The following LHCGR variants were observed in gnomAD, a reference collection of about 807,000 sequenced individuals.
LHCGR encodes the protein luteinizing hormone/choriogonadotropin receptor.
Under a neutral mutation model 60.7 loss-of-function variants are expected in LHCGR, and 55 were observed. The ratio of observed to expected loss-of-function variants is 0.91; its 90% CI spans 0.73 to 1.13. LHCGR has a LOEUF of 1.13. LHCGR is among the 50% of genes most tolerant of loss of function. LHCGR has a pLI of 0.00. For synonymous variants in LHCGR, 337 were observed against 316.5 expected, an observed-to-expected ratio of 1.06 and a Z score of -0.69; for missense variants, 862 against 836.0, an observed-to-expected ratio of 1.03 and a Z score of -0.38.
At chr2:48,735,327 G>A (rs1279164046) in intron 1 of LHCGR, among the ~76,000 whole-genome samples, 1 of 152,206 alleles carries the variant, frequency 6.6e-6, no homozygotes, top group Non-Finnish European at 1.5e-5. Flanking sequence ...CGTCTAAACT[G>A]GACCCAATAA....
chr2:48,732,509 A>T (rs569952659), intron 1 of LHCGR, among the ~76,000 whole-genome samples: 3 of 152,210 alleles, frequency 2.0e-5, no homozygotes, highest in Non-Finnish European at 2.9e-5. Context: ...TACTCACTCA[A>T]CAATGGTGTG....
intron 3 of LHCGR, among the ~76,000 whole-genome samples, 154 bp from the exon 4 acceptor site, chr2:48,725,904 GGGATGGAAATGGCTTGGTGA>G (rs1668698032): frequency 6.6e-6 from 1 of 152,156 alleles, no homozygotes; most frequent in South Asian, 2.1e-4. Flanking sequence ...AGCGACTCTG[GGGATGGAAATGGCTTGGTGA>G]GAGCCAGTTC....
chr2:48,705,858 CTG>C (rs1667640360), intron 8 of LHCGR, among the ~76,000 whole-genome samples: 1 of 152,120 alleles, frequency 6.6e-6, no homozygotes, highest in Non-Finnish European at 1.5e-5. Context: ...ATTTTCCAGT[CTG>C]TGTCTTTTAT....
chr2:48,688,010 A>G lies in LHCGR; in HGVS notation c.1787T>C (p.Val596Ala). 6.2e-7 allele frequency: 1 copy of G among 1,614,198 alleles called. No individual in the cohort carries two copies. The highest frequency in any genetic ancestry group is 8.5e-7 in the Non-Finnish European group (1 of 1,180,002). The change falls in exon 11 of 11, where the codon GTA becomes GCA. Residue 596 changes from valine (V) to alanine (A), a missense_variant. Transcript: ENST00000294954. This position sits in a 1 kb window ranked among gnomAD's most constrained non-coding sequence, Gnocchi z 5.2. ...SFFAISAAFK[V>A]PLITVTNSKV... ...AGAGTTGGTTACTGTGATAAGAGGT[A>G]CTTTGAAGGCAGCTGAGATGGCAAA...
chr2:48,703,973 A>G (rs1419207374), intron 8 of LHCGR, among the ~76,000 whole-genome samples: 1 of 152,200 alleles, frequency 6.6e-6, no homozygotes, highest in Non-Finnish European at 1.5e-5. Context: ...GCCAGTTTTC[A>G]AAGGGAATGC....
intron 1 of LHCGR, chr2:48,733,273 C>A (rs1215392403): frequency 1.6e-5 from 3 of 187,488 alleles, no homozygotes; most frequent in Admixed American, 5.9e-5. Flanking sequence ...AGCCCAGAAG[C>A]TGAAGTCTCT....
intron 1 of LHCGR, among the ~76,000 whole-genome samples, chr2:48,748,033 A>C (rs1264340087): frequency 6.6e-6 from 1 of 152,116 alleles, no homozygotes; most frequent in Non-Finnish European, 1.5e-5. Context: ...GAGCCTTAAA[A>C]CACTCAGAGG....
At chr2:48,727,048 T>G (rs1000632158) in intron 3 of LHCGR, among the ~76,000 whole-genome samples, 10 of 152,140 alleles carry the variant, frequency 6.6e-5, no homozygotes, top group African/African-American at 2.4e-4. Context: ...GATATTTTGT[T>G]GTAATTATTT....
intron 1 of LHCGR, among the ~76,000 whole-genome samples, chr2:48,733,763 T>C (rs1203814124): frequency 2.0e-5 from 3 of 151,964 alleles, no homozygotes; most frequent in East Asian, 3.8e-4. Context: ...CAGACTTATA[T>C]GTTTTTTTTT....
At chr2:48,736,303 C>T (rs1034415268) in intron 1 of LHCGR, among the ~76,000 whole-genome samples, 5 of 152,130 alleles carry the variant, frequency 3.3e-5, no homozygotes, top group Admixed American at 6.5e-5. Context: ...CCCTTGCCTC[C>T]GGGTGGGACT....
In LHCGR at chr2:48,690,032, A is replaced by G. The variant is rs1392137963; in HGVS notation, c.948-1183T>C. ...CCGGCCCAGGTTTTTGTCCTCTCTTATGGAGCAATTAGTTTTCTTCCTGAT... is the reference window on the plus strand; with the variant it reads ...CCGGCCCAGGTTTTTGTCCTCTCTTGTGGAGCAATTAGTTTTCTTCCTGAT... On this transcript the variant is annotated intron_variant, in intron 10 of 10. Coordinates refer to ENST00000294954, the MANE Select transcript of LHCGR (RefSeq NM_000233.4). 2.6e-5 allele frequency among the ~76,000 whole-genome samples: 4 copies of G among 152,082 alleles called. No individual in the cohort carries two copies. The East Asian group carries it at 7.7e-4, about 29-fold the overall frequency.
chr2:48,742,427 A>G (rs1348571862), intron 1 of LHCGR, among the ~76,000 whole-genome samples: 1 of 150,786 alleles, frequency 6.6e-6, no homozygotes, highest in African/African-American at 2.4e-5. Flanking sequence ...TCCAAAATTG[A>G]CCACATACTT....
intron 1 of LHCGR, among the ~76,000 whole-genome samples, chr2:48,736,530 C>T (rs1669214071): frequency 6.6e-6 from 1 of 152,196 alleles, no homozygotes; most frequent in Admixed American, 6.5e-5. Context: ...TCTAATGTCT[C>T]CTGGGTACCC....
chr2:48,734,018 T>A (rs551002993), intron 1 of LHCGR, among the ~76,000 whole-genome samples: 76 of 152,318 alleles, frequency 5.0e-4, no homozygotes, highest in Middle Eastern at 3.4e-3. Context: ...CTGTATACAT[T>A]GAGAAAAATT....
At position 48,688,513 on chromosome 2, in the gene LHCGR, G is replaced by T. The variant is rs780643013; in HGVS notation, c.1284C>A (p.Asn428Lys). The change falls in exon 11 of 11, where the codon AAC (asparagine) becomes AAA (lysine). Residue 428 changes from asparagine (N) to lysine (K), a missense_variant. Coordinates refer to ENST00000294954, the MANE Select transcript of LHCGR (RefSeq NM_000233.4). This position sits in a 1 kb window ranked among gnomAD's most constrained non-coding sequence, Gnocchi z 5.2. ...TCCCTGTCTGCCAGTCTATGGCATG[G>T]TTATAGTACTGGCCCTTGGTTTGGG... is the stretch of plus-strand genomic sequence containing the variant. ...VDSQTKGQYY[N>K]HAIDWQTGSG... The T allele has an allele frequency of 1.9e-6, 3 of 1,614,008 alleles. No homozygotes were observed. In the East Asian group the frequency reaches 6.7e-5, roughly 36 times the overall value.
At chr2:48,699,346 T>C (rs1373004036) in intron 8 of LHCGR, among the ~76,000 whole-genome samples, 2 of 152,160 alleles carry the variant, frequency 1.3e-5, no homozygotes, top group Non-Finnish European at 2.9e-5. Context: ...CATACATTTA[T>C]TAGCATTTCT....
intron 10 of LHCGR, among the ~76,000 whole-genome samples, chr2:48,693,761 T>A (rs975133752): frequency 6.6e-6 from 1 of 152,234 alleles, no homozygotes; most frequent in African/African-American, 2.4e-5. Flanking sequence ...GTGGTAGCGA[T>A]AGCATTAAGA....
chr2:48,736,357 T>G (rs879912888), intron 1 of LHCGR, among the ~76,000 whole-genome samples: 5 of 152,166 alleles, frequency 3.3e-5, no homozygotes, highest in Non-Finnish European at 5.9e-5. Flanking sequence ...TCCTATCAAT[T>G]CTTACCTGGG....
chr2:48,752,365 T>C (rs1195446083), intron 1 of LHCGR, among the ~76,000 whole-genome samples: 2 of 152,170 alleles, frequency 1.3e-5, no homozygotes, highest in Non-Finnish European at 2.9e-5. Flanking sequence ...TTAACATCTA[T>C]TGAGGGACTA....
Sources: gnomAD v4.1 joint callset for allele counts (sites outside exome capture counted in the v4.1 genomes callset) on GRCh38, gnomAD v4.1.1 for gene constraint, Gnocchi (gnomAD v3.1) non-coding constraint, MANE v1.5 for transcripts, NCBI Gene and HGNC (gene_info 2026-07-23, HGNC 2026-07-21) for gene names.